The following HS6ST3 variants were observed in gnomAD, a reference collection of about 807,000 sequenced individuals.
HS6ST3 encodes the protein heparan-sulfate 6-O-sulfotransferase 3.
Under a neutral mutation model 36.7 loss-of-function variants are expected in HS6ST3, and 12 were observed. The observed-to-expected ratio is 0.33, with a 90% confidence interval of 0.21 to 0.53. The LOEUF is 0.53. Among genes scored for constraint, HS6ST3 ranks in the 20% least tolerant of loss-of-function variants. The pLI is 0.95. For missense variants in HS6ST3, 584 were observed against 640.9 expected, an observed-to-expected ratio of 0.91 and a Z score of 0.96; for synonymous variants, 240 against 257.5, an observed-to-expected ratio of 0.93 and a Z score of 0.65.
chr13:96,393,996 G>C (rs1277055147), intron 1 of HS6ST3, among the ~76,000 whole-genome samples: 1 of 152,184 alleles, frequency 6.6e-6, no homozygotes, highest in African/African-American at 2.4e-5. Context: ...GGCAAAGAGT[G>C]ATCTTAGTCA....
chr13:96,471,171 GCC>G (rs1003768746), intron 1 of HS6ST3, among the ~76,000 whole-genome samples: 3 of 152,188 alleles, frequency 2.0e-5, no homozygotes, highest in African/African-American at 7.2e-5. Flanking sequence ...AGAAAGTGCT[GCC>G]AGGGCATGGA....
intron 1 of HS6ST3, among the ~76,000 whole-genome samples, chr13:96,200,768 A>G (rs1375049554): frequency 6.6e-6 from 1 of 152,202 alleles, no homozygotes; most frequent in Non-Finnish European, 1.5e-5. Context: ...TGGCTACAGA[A>G]TATACCTTAC....
At chr13:96,823,246 G>A (rs1292729990) in intron 1 of HS6ST3, among the ~76,000 whole-genome samples, 1 of 152,302 alleles carries the variant, frequency 6.6e-6, no homozygotes, top group Non-Finnish European at 1.5e-5. Flanking sequence ...TCTTGACTTA[G>A]GAATTCTACT....
rs76204524 is a variant in HS6ST3, at chr13:96,444,637, A to G, written c.707+353068A>G. On this transcript the variant is annotated intron_variant, in intron 1 of 1. Coordinates refer to ENST00000376705, the MANE Select transcript of HS6ST3 (RefSeq NM_153456.4). ...TTTTATGCTATGCTTTCTGGATTCA[A>G]TATGATACAAAATGATAGGGTTTCT... 3.8e-3 allele frequency among the ~76,000 whole-genome samples: 582 copies of G among 152,370 alleles called. 4 individuals are homozygous for G. Among genetic ancestry groups the G allele is most frequent in the African/African-American group, 0.013 (561 of 41,588 alleles).
intron 1 of HS6ST3, among the ~76,000 whole-genome samples, chr13:96,145,316 T>C (rs1015879944): frequency 6.0e-5 from 9 of 150,300 alleles, no homozygotes; most frequent in Non-Finnish European, 1.2e-4. Context: ...CCAGCACCTG[T>C]TGTTTCCTGA....
At chr13:96,369,295 A>C (rs76175482) in intron 1 of HS6ST3, among the ~76,000 whole-genome samples, 3,848 of 152,182 alleles carry the variant, frequency 0.025, 73 homozygotes, top group Middle Eastern at 0.048. Flanking sequence ...ACTCCTTTGG[A>C]ACCAACTGCA....
At position 96,541,272 on chromosome 13, in the gene HS6ST3, A is replaced by G. The variant is rs148067750; in HGVS notation, c.708-291218A>G. 1.2e-4 allele frequency among the ~76,000 whole-genome samples: 19 copies of G among 152,090 alleles called. No individual in the cohort carries two copies. In the East Asian group the frequency reaches 3.7e-3, roughly 30 times the overall value. On this transcript the variant is annotated intron_variant, in intron 1 of 1. Transcript: ENST00000376705. ...GGCTGGTCTTGACCTCCTGACCTCAAATGATCCACCCGCCTTAGCCTTCCA... is the reference window on the plus strand; with the variant it reads ...GGCTGGTCTTGACCTCCTGACCTCAGATGATCCACCCGCCTTAGCCTTCCA...
Position 96,512,083 on chromosome 13 carries a change from G to T in HS6ST3, c.708-320407G>T, listed in dbSNP as rs529644499. ...ATAGAAAGACATATAATTATATATA[G>T]AGAGAGATTATTTCTTTCTCTTGCC... On this transcript the variant is annotated intron_variant, in intron 1 of 1. Transcript: ENST00000376705. 1.3e-3 allele frequency among the ~76,000 whole-genome samples: 196 copies of T among 152,208 alleles called. 1 individual carries two copies. Among genetic ancestry groups the T allele is most frequent in the Admixed American group, 4.4e-3 (67 of 15,278 alleles).
At chr13:96,345,075 T>G (rs1294583898) in intron 1 of HS6ST3, among the ~76,000 whole-genome samples, 1 of 152,228 alleles carries the variant, frequency 6.6e-6, no homozygotes, top group Non-Finnish European at 1.5e-5. Context: ...ACAGCACTGA[T>G]TAAGGCAGCA....
rs2055379989 is a variant in HS6ST3 at position 96,388,562 on chromosome 13, C to A, written c.707+296993C>A. Among the ~76,000 whole-genome samples the A allele has an allele frequency of 2.0e-5, 3 of 152,124 alleles. No homozygotes were observed. In the South Asian group the frequency reaches 6.2e-4, roughly 31 times the overall value. ...ATACGAATATACCTACAATTTCTGACAATAAGAAAGGAAAAAATGTTATTC... is the reference window on the plus strand; with the variant it reads ...ATACGAATATACCTACAATTTCTGAAAATAAGAAAGGAAAAAATGTTATTC... On this transcript the variant is annotated intron_variant, in intron 1 of 1. Transcript: ENST00000376705.
intron 1 of HS6ST3, among the ~76,000 whole-genome samples, chr13:96,376,190 T>C (rs1355989483): frequency 6.6e-6 from 1 of 152,188 alleles, no homozygotes; most frequent in African/African-American, 2.4e-5. Flanking sequence ...AAAAATAAAC[T>C]TGTCTTCATG....
chr13:96,479,826 A>G (rs1324552861), intron 1 of HS6ST3, among the ~76,000 whole-genome samples: 3 of 152,208 alleles, frequency 2.0e-5, no homozygotes, highest in African/African-American at 7.2e-5. Context: ...TTAGCAATGC[A>G]GTTGCTTCAG....
At chr13:96,142,866 TAAAG>T (rs1248628234) in intron 1 of HS6ST3, among the ~76,000 whole-genome samples, 4 of 152,128 alleles carry the variant, frequency 2.6e-5, no homozygotes, top group Admixed American at 1.3e-4. Flanking sequence ...TATTAGAAAA[TAAAG>T]AAACAGTAAT....
chr13:96,153,516 G>A (rs557135353), intron 1 of HS6ST3, among the ~76,000 whole-genome samples: 1 of 152,216 alleles, frequency 6.6e-6, no homozygotes, highest in African/African-American at 2.4e-5. Context: ...CTATGTGAAA[G>A]GTTAGGTTGT....
At chr13:96,192,809 TA>T (rs1433527280) in intron 1 of HS6ST3, among the ~76,000 whole-genome samples, 48 of 152,236 alleles carry the variant, frequency 3.2e-4, no homozygotes, top group Non-Finnish European at 6.5e-4. Flanking sequence ...TGAAAATTTT[TA>T]AAAGACATGA....
chr13:96,469,058 G>A (rs2055828132), intron 1 of HS6ST3, among the ~76,000 whole-genome samples: 2 of 152,054 alleles, frequency 1.3e-5, no homozygotes, highest in African/African-American at 2.4e-5. Flanking sequence ...GGCCAATGTG[G>A]TAAGGAAGTT....
chr13:96,354,365 CAG>C (rs2055199405), intron 1 of HS6ST3, among the ~76,000 whole-genome samples: 1 of 152,070 alleles, frequency 6.6e-6, no homozygotes, highest in African/African-American at 2.4e-5. Flanking sequence ...CAAGGAAACT[CAG>C]ATAAAAACAG....
intron 1 of HS6ST3, among the ~76,000 whole-genome samples, chr13:96,425,266 A>G (rs937743047): frequency 2.0e-5 from 3 of 152,234 alleles, no homozygotes; most frequent in Non-Finnish European, 4.4e-5. Context: ...CAAGGAATAA[A>G]TACATGTGAG....
rs141794287 is a variant in HS6ST3 at position 96,318,500 on chromosome 13, G to T, written c.707+226931G>T. On this transcript the variant is annotated intron_variant, in intron 1 of 1. Coordinates refer to ENST00000376705, the MANE Select transcript of HS6ST3 (RefSeq NM_153456.4). ...GTGAGCCTAGATCATGCCATTGCAC[G>T]CTAGCCCAGGTGACAGAGTGAGACT... 7.4e-4 allele frequency among the ~76,000 whole-genome samples: 112 copies of T among 152,138 alleles called. 2 individuals carry two copies. Among genetic ancestry groups the T allele is most frequent in the African/African-American group, 2.5e-3 (105 of 41,502 alleles).
Sources: allele counts gnomAD v4.1 joint callset (sites outside exome capture counted in the v4.1 genomes callset), GRCh38; gene constraint gnomAD v4.1.1; transcripts MANE v1.5; gene names NCBI Gene and HGNC (gene_info 2026-07-23, HGNC 2026-07-21).